Variants in PRPSAP2 observed in about 807,000 individuals in gnomAD.
The protein encoded by PRPSAP2 is phosphoribosyl pyrophosphate synthetase associated protein 2, also known as phosphoribosyl pyrophosphate synthase-associated protein 2.
PRPSAP2 carries 24 observed loss-of-function variants against 40.6 expected under a neutral mutation model. That is an observed-to-expected ratio of 0.59 (90% CI 0.43 to 0.83). The LOEUF is 0.83. Among genes scored for constraint, PRPSAP2 ranks in the 40% least tolerant of loss-of-function variants. The pLI is 0.00. For missense variants in PRPSAP2, 292 were observed against 465.6 expected (o/e 0.63, Z 3.43); for synonymous variants, 149 against 164.7 (o/e 0.90, Z 0.73).
At chr17:18,887,753 A>C (rs2039268704) in intron 7 of PRPSAP2, among the ~76,000 whole-genome samples, 1 of 152,016 alleles carries the variant, frequency 6.6e-6, no homozygotes, top group Non-Finnish European at 1.5e-5. Context: ...CTGTTAAGCC[A>C]GCCAGCTACT....
intron 9 of PRPSAP2, among the ~76,000 whole-genome samples, chr17:18,918,051 G>A (rs2041469052): frequency 1.3e-5 from 2 of 151,964 alleles, no homozygotes; most frequent in South Asian, 4.1e-4. Flanking sequence ...TTGCCCAGGA[G>A]TTTGCTCATT....
At chr17:18,928,721 A>T in intron 10 of PRPSAP2, 90 bp from the exon 11 acceptor site, 1 of 1,554,062 alleles carries the variant, frequency 6.4e-7, no homozygotes, top group Non-Finnish European at 8.8e-7. Context: ...TTTCACGGTA[A>T]ATGTAGGCAG....
chr17:18,928,844 G>C lies in PRPSAP2; in HGVS notation c.838G>C (p.Ala280Pro). ...DIIDDVDSFL[A>P]AAETLKERGA... is the part of the protein sequence containing the mutation. The stretch of plus-strand genomic sequence containing the variant: ...CATTGATGATGTTGACAGCTTTCTT[G>C]CTGCAGCAGAGACCCTGAAGGAAAG... Residue 280 changes from alanine (A) to proline (P), a missense_variant, in exon 11 of 12, where the codon GCT (alanine) becomes CCT (proline). Ala to Pro is a conservative substitution (Grantham distance 27). Coordinates refer to ENST00000268835, the MANE Select transcript of PRPSAP2 (RefSeq NM_002767.4). 6.2e-7 allele frequency: 1 copy of C among 1,613,900 alleles called. No individual in the cohort carries two copies. The highest frequency in any genetic ancestry group is 8.5e-7 in the Non-Finnish European group (1 of 1,179,928).
intron 8 of PRPSAP2, among the ~76,000 whole-genome samples, chr17:18,891,419 G>A (rs2039538646): frequency 6.6e-6 from 1 of 152,166 alleles, no homozygotes; most frequent in African/African-American, 2.4e-5. Flanking sequence ...CCTTCAAGAA[G>A]TTGTATCACC....
intron 3 of PRPSAP2, among the ~76,000 whole-genome samples, chr17:18,866,690 A>G (rs1005264080): frequency 2.4e-4 from 36 of 152,144 alleles, no homozygotes; most frequent in African/African-American, 8.4e-4. Context: ...GATGTTGGGG[A>G]TTATCAGTGA....
chr17:18,905,318 AC>A (rs2040517502), intron 8 of PRPSAP2, among the ~76,000 whole-genome samples: 1 of 151,572 alleles, frequency 6.6e-6, no homozygotes, highest in Non-Finnish European at 1.5e-5. Flanking sequence ...GAGCCACCGC[AC>A]CCGGCCATGA....
At chr17:18,881,753 CA>C (rs930648423) in intron 6 of PRPSAP2, among the ~76,000 whole-genome samples, 76 of 151,872 alleles carry the variant, frequency 5.0e-4, no homozygotes, top group Non-Finnish European at 4.4e-5. Context: ...AGGCTGATCT[CA>C]AACTCCTGAG....
chr17:18,916,392 T>TTTA (rs2041317353), intron 9 of PRPSAP2, among the ~76,000 whole-genome samples: 1 of 150,774 alleles, frequency 6.6e-6, no homozygotes, highest in South Asian at 2.1e-4. Context: ...TTTTTTTTTT[T>TTTA]GAGACGGAAT....
intron 6 of PRPSAP2, among the ~76,000 whole-genome samples, chr17:18,880,760 A>T: frequency 6.6e-6 from 1 of 151,928 alleles, no homozygotes; most frequent in Non-Finnish European, 1.5e-5. Context: ...CTTCAAGAAG[A>T]TTTGATCTGC....
rs551147221 is a variant in PRPSAP2, at chr17:18,911,266, G to T, written c.733+15G>T. 4 of 1,539,224 alleles carry T rather than the reference G, an allele frequency of 2.6e-6. No homozygotes were observed. In the East Asian group the frequency reaches 9.0e-5, roughly 35 times the overall value. ...GGAGATCCCCAGTAAGTGTGCTGCT[G>T]CCTCTTTCCCACTTTCCTCTGATTT... On this transcript the variant is annotated intron_variant, in intron 9 of 11. Transcript: ENST00000268835. The surrounding 1 kb of genome is among the most constrained non-coding windows in gnomAD (Gnocchi z 4.5).
chr17:18,882,276 C>T (rs1019386470), intron 6 of PRPSAP2, among the ~76,000 whole-genome samples: 4 of 151,888 alleles, frequency 2.6e-5, no homozygotes, highest in Non-Finnish European at 4.4e-5. Flanking sequence ...CTTTGGGAGG[C>T]TGAGGCAGGA....
At chr17:18,871,921 A>G (rs574478438) in intron 4 of PRPSAP2, among the ~76,000 whole-genome samples, 1 of 152,216 alleles carries the variant, frequency 6.6e-6, no homozygotes, top group East Asian at 2.0e-4. Context: ...TGGCCTCCCA[A>G]AGTGCTGGGA....
intron 4 of PRPSAP2, among the ~76,000 whole-genome samples, chr17:18,869,170 G>T (rs1238898849): frequency 6.6e-6 from 1 of 152,042 alleles, no homozygotes; most frequent in East Asian, 1.9e-4. Flanking sequence ...TAAAGGGAGA[G>T]AAAATACTTG....
intron 9 of PRPSAP2, among the ~76,000 whole-genome samples, chr17:18,916,802 C>T (rs932257633): frequency 6.6e-6 from 1 of 152,220 alleles, no homozygotes; most frequent in African/African-American, 2.4e-5. Flanking sequence ...CCTGAGGTGG[C>T]ACCTTGTTAC....
At chr17:18,883,817 G>A (rs2151912117) in intron 7 of PRPSAP2, among the ~76,000 whole-genome samples, 1 of 152,180 alleles carries the variant, frequency 6.6e-6, no homozygotes, top group South Asian at 2.1e-4. Flanking sequence ...CAGTTTATAG[G>A]TTTCTGAGGA....
intron 6 of PRPSAP2, among the ~76,000 whole-genome samples, 176 bp downstream of exon 6, chr17:18,878,046 A>G (rs1202244526): frequency 2.0e-5 from 3 of 152,126 alleles, no homozygotes; most frequent in Non-Finnish European, 1.5e-5. Context: ...CCTCCCAAGT[A>G]GCTAGGACTA....
chr17:18,892,100 C>T (rs2039580920), intron 8 of PRPSAP2, among the ~76,000 whole-genome samples: 2 of 152,222 alleles, frequency 1.3e-5, no homozygotes, highest in African/African-American at 4.8e-5. Context: ...TGTGATCTGC[C>T]TGCCTCGGCC....
intron 10 of PRPSAP2, chr17:18,928,178 TAGAC>T (rs2042067361): frequency 1.3e-5 from 2 of 156,664 alleles, no homozygotes; most frequent in Non-Finnish European, 2.8e-5. Flanking sequence ...TATTCAACTC[TAGAC>T]AACGTTTGAT....
intron 8 of PRPSAP2, among the ~76,000 whole-genome samples, chr17:18,908,048 G>T (rs1427415016): frequency 6.6e-6 from 1 of 152,152 alleles, no homozygotes; most frequent in East Asian, 1.9e-4. Context: ...TGAGACAGGA[G>T]AATCACTTGA....
Sources: gnomAD v4.1 joint callset for allele counts (sites outside exome capture counted in the v4.1 genomes callset) on GRCh38, gnomAD v4.1.1 for gene constraint, Gnocchi (gnomAD v3.1) non-coding constraint, MANE v1.5 for transcripts, NCBI Gene and HGNC (gene_info 2026-07-23, HGNC 2026-07-21) for gene names.